Variants in KAT6A observed in about 807,000 individuals in gnomAD.
KAT6A encodes the protein lysine acetyltransferase 6A.
Under a neutral mutation model 198.4 loss-of-function variants are expected in KAT6A, and 9 were observed. The observed-to-expected ratio is 0.05, with a 90% CI of 0.03 to 0.08. The LOEUF is 0.08. KAT6A is among the 10% of genes least tolerant of loss of function. The pLI, the probability that KAT6A is intolerant of heterozygous loss-of-function variation, is 1.00. For missense variants in KAT6A, 2,077 were observed against 2,509.9 expected (o/e 0.83, Z 3.69); for synonymous variants, 890 against 883.0 (o/e 1.01, Z -0.14).
intron 2 of KAT6A, among the ~76,000 whole-genome samples, chr8:42,011,895 G>GAAAAAAAAAAA (rs35104277): frequency 8.7e-6 from 1 of 114,290 alleles, no homozygotes. Flanking sequence ...AAAAGAAGAG[G>GAAAAAAAAAAA]AAAAAAAAAA....
In KAT6A at chr8:41,930,847, G is replaced by A. The variant is rs542239834; in HGVS notation, c.*1358C>T. The A allele has an allele frequency of 2.5e-5, 5 of 203,826 alleles. No homozygotes were observed. The highest frequency in any genetic ancestry group is 7.2e-5 in the East Asian group (1 of 13,798). 12.6% of individuals were successfully genotyped at this position (203,826 alleles called of 1,614,324 possible). On this transcript the variant is annotated 3_prime_UTR_variant, in exon 17 of 17. Transcript: ENST00000265713. ...AGTTGGGAGCAACACATGAACTTGC[G>A]TTATAACATTCTGCTGTCCAGATCT...
At chr8:41,982,007 T>C (rs1824378974) in intron 3 of KAT6A, 53 bp from the exon 4 acceptor site, 1 of 1,016,866 alleles carries the variant, frequency 9.8e-7, no homozygotes, top group Admixed American at 1.9e-5. Flanking sequence ...TATTTTGCTA[T>C]TATAGTACTA....
At chr8:41,992,561 A>C (rs559331412) in intron 2 of KAT6A, among the ~76,000 whole-genome samples, 1 of 152,318 alleles carries the variant, frequency 6.6e-6, no homozygotes, top group East Asian at 1.9e-4. Flanking sequence ...AGAGCATGGA[A>C]AAGTCATTCT....
chr8:41,954,743 A>G (rs1334755200), intron 9 of KAT6A, among the ~76,000 whole-genome samples: 1 of 152,188 alleles, frequency 6.6e-6, no homozygotes, highest in Non-Finnish European at 1.5e-5. Flanking sequence ...AGGTTACACA[A>G]CTTACCAATT....
At position 41,940,846 on chromosome 8, in the gene KAT6A, C is replaced by T. The variant is rs377324520; in HGVS notation, c.3035G>A (p.Arg1012Gln). 5.0e-6 allele frequency: 8 copies of T among 1,605,904 alleles called. No individual in the cohort carries two copies. In the African/African-American group the frequency reaches 5.4e-5, roughly 11 times the overall value. The change falls in exon 15 of 17, where the codon CGA becomes CAA. Residue 1012 changes from arginine to glutamine, a missense_variant. Transcript: ENST00000265713. ...ACCTGGAAAGAAATGCGTTACCTTTCGCTTCAGCGTGGGCTTTGTGAGAAT... is the reference window on the plus strand; with the variant it reads ...ACCTGGAAAGAAATGCGTTACCTTTTGCTTCAGCGTGGGCTTTGTGAGAAT... ...PPILTKPTLK[R>Q]KKPFLHRRRR...
chr8:41,992,904 A>G (rs1305062443), intron 2 of KAT6A, among the ~76,000 whole-genome samples: 1 of 152,212 alleles, frequency 6.6e-6, no homozygotes, highest in Middle Eastern at 3.2e-3. Context: ...AAAAAAGGAG[A>G]AAGTCTGGAA....
At chr8:41,950,951 A>G (rs1341270420) in intron 9 of KAT6A, among the ~76,000 whole-genome samples, 2 of 152,012 alleles carry the variant, frequency 1.3e-5, no homozygotes, top group Non-Finnish European at 2.9e-5. Context: ...GGGAGAGAGG[A>G]AGGGAGGGAG....
Position 41,978,773 on chromosome 8 carries a change from C to G in KAT6A, c.912G>C (p.Met304Ile). Residue 304 changes from methionine (M) to isoleucine (I), a missense_variant, in exon 6 of 17, where the codon ATG becomes ATC. Physicochemically the swap from Met to Ile is conservative, Grantham distance 10. Coordinates refer to ENST00000265713, the MANE Select transcript of KAT6A (RefSeq NM_006766.5). The stretch of plus-strand genomic sequence containing the variant: ...TAGGTCGACATATTTGACATATCCA[C>G]ATGCCTATAAAAAAATAAAATTCCA... ...DPPLTRMPKG[M>I]WICQICRPRK... 1 of 1,613,014 alleles carries G rather than the reference C, an allele frequency of 6.2e-7. No homozygotes were observed. Among genetic ancestry groups the G allele is most frequent in the Non-Finnish European group, 8.5e-7 (1 of 1,179,576 alleles).
At chr8:41,965,170 A>C (rs1049441911) in intron 8 of KAT6A, among the ~76,000 whole-genome samples, 4 of 152,172 alleles carry the variant, frequency 2.6e-5, no homozygotes, top group African/African-American at 9.7e-5. Context: ...ACACATCAGA[A>C]TTGTGTCCGT....
intron 2 of KAT6A, among the ~76,000 whole-genome samples, chr8:42,011,000 A>C (rs1474050219): frequency 6.6e-6 from 1 of 152,208 alleles, no homozygotes; most frequent in Admixed American, 6.5e-5. Context: ...CAGAGATAAG[A>C]GGAGATAATC....
intron 2 of KAT6A, among the ~76,000 whole-genome samples, chr8:42,034,456 G>A (rs929007342): frequency 2.0e-5 from 3 of 152,200 alleles, no homozygotes; most frequent in African/African-American, 7.2e-5. Flanking sequence ...CAACGCACGG[G>A]AATGGGTTAC....
rs753298808 is a variant in KAT6A, at chr8:41,940,891, G to C, written c.2990C>G (p.Pro997Arg). The C allele has an allele frequency of 6.2e-7, 1 of 1,613,794 alleles. No individual in the cohort carries two copies. The highest frequency in any genetic ancestry group is 1.3e-5 in the African/African-American group (1 of 74,942). The change falls in exon 15 of 17, where the codon CCT (proline) becomes CGT (arginine). Residue 997 changes from proline (P) to arginine (R), a missense_variant. Physicochemically the swap from Pro to Arg is moderately radical, Grantham distance 103. Around this residue, in one of 13 missense-constraint regions of KAT6A, gnomAD observed 301 missense variants for 272.2 expected, o/e 1.11. Coordinates refer to ENST00000265713, the MANE Select transcript of KAT6A (RefSeq NM_006766.5). Reference protein sequence around the residue: ...SSEEEEEPESPRSSSPPILTK... With the variant: ...SSEEEEEPESRRSSSPPILTK... ...GAGAATTGGTGGCGAGCTTGACCGA[G>C]GGCTTTCCGGCTCCTCCTCCTCCTC...
rs1345553292 is a variant in KAT6A, at chr8:41,934,313, C to A, written c.3907G>T (p.Asp1303Tyr). 6.2e-7 allele frequency: 1 copy of A among 1,614,016 alleles called. No individual in the cohort carries two copies. The highest frequency in any genetic ancestry group is 8.5e-7 in the Non-Finnish European group (1 of 1,180,046). Residue 1303 changes from aspartate (D) to tyrosine (Y), a missense_variant, in exon 17 of 17, where the codon GAT (aspartate) becomes TAT (tyrosine). Around this residue, in one of 13 missense-constraint regions of KAT6A, gnomAD observed 375 missense variants for 383.0 expected, o/e 0.98. Transcript: ENST00000265713. Reference sequence around the variant, plus strand: ...TTCTGGGCAGTCTCTGCAGCTGCATCTTCCTCCTCCTCTGGCTCTGGCTCC... The same window carrying A: ...TTCTGGGCAGTCTCTGCAGCTGCATATTCCTCCTCCTCTGGCTCTGGCTCC... ...LEEPEPEEEEDAAAETAQNDD... is the reference protein window; with the variant it reads ...LEEPEPEEEEYAAAETAQNDD...
chr8:42,012,100 T>C (rs1826050460), intron 2 of KAT6A, among the ~76,000 whole-genome samples: 1 of 152,094 alleles, frequency 6.6e-6, no homozygotes, highest in African/African-American at 2.4e-5. Flanking sequence ...AATGACAATA[T>C]CAAGTACCAG....
At chr8:41,944,285 G>A (rs1319266128) in intron 12 of KAT6A, among the ~76,000 whole-genome samples, 1 of 152,134 alleles carries the variant, frequency 6.6e-6, no homozygotes, top group Non-Finnish European at 1.5e-5. Flanking sequence ...ACGTCCTGGG[G>A]AAAACAAGCC....
intron 2 of KAT6A, among the ~76,000 whole-genome samples, chr8:42,045,500 T>G (rs1188214659): frequency 6.9e-6 from 1 of 145,428 alleles, no homozygotes; most frequent in Non-Finnish European, 1.5e-5. Flanking sequence ...CAGCGGAGGC[T>G]GCAGTAAGCC....
chr8:41,929,510 T>C lies in KAT6A; in HGVS notation c.*2695A>G. 1 of 181,894 alleles carries C rather than the reference T, an allele frequency of 5.5e-6. No individual in the cohort carries two copies. The highest frequency in any genetic ancestry group is 9.0e-5 in the East Asian group (1 of 11,110). 11.3% of individuals were successfully genotyped at this position (181,894 alleles called of 1,614,324 possible). A position where few individuals can be genotyped will look rare whatever the true frequency, so the allele number is the denominator to read the frequency against. Reference sequence around the variant, plus strand: ...ATGGCTCAACATAATTTATTTTTTATGTTAAAATGTACAGAGTTCTTTTGA... The same window carrying C: ...ATGGCTCAACATAATTTATTTTTTACGTTAAAATGTACAGAGTTCTTTTGA... On this transcript the variant is annotated 3_prime_UTR_variant, in exon 17 of 17. Transcript: ENST00000265713.
In KAT6A at chr8:42,044,690, C is replaced by T. The variant is rs114107899; in HGVS notation, c.600+3688G>A. Among the ~76,000 whole-genome samples the T allele has an allele frequency of 8.4e-3, 1,286 of 152,284 alleles. 17 individuals carry two copies. The highest frequency in any genetic ancestry group is 0.03 in the African/African-American group (1,246 of 41,562). On this transcript the variant is annotated intron_variant, in intron 2 of 16. Coordinates refer to ENST00000265713, the MANE Select transcript of KAT6A (RefSeq NM_006766.5). Reference sequence around the variant, plus strand: ...GTCTTTGAATTTCATCTTCACCTTACAGTTGGCCAGGTCAATAGAAATACC... The same window carrying T: ...GTCTTTGAATTTCATCTTCACCTTATAGTTGGCCAGGTCAATAGAAATACC...
intron 15 of KAT6A, among the ~76,000 whole-genome samples, chr8:41,940,513 A>AT (rs1222816849): frequency 4.6e-5 from 7 of 152,194 alleles, no homozygotes; most frequent in Admixed American, 4.6e-4. Flanking sequence ...TTTTAAAGAT[A>AT]TTTTAGGGCT....
Sources: allele counts gnomAD v4.1 joint callset (sites outside exome capture counted in the v4.1 genomes callset), GRCh38; gene constraint gnomAD v4.1.1; regional missense constraint gnomAD v4.1.1; transcripts MANE v1.5; gene names NCBI Gene and HGNC (gene_info 2026-07-23, HGNC 2026-07-21).